TOX2: variants seen among roughly 807,000 people sequenced by gnomAD.
TOX2 encodes granulosa cell HMG box 1.
Under a neutral mutation model 47.4 loss-of-function variants are expected in TOX2, and 15 were observed. The ratio of observed to expected loss-of-function variants is 0.32; its 90% CI spans 0.21 to 0.49. TOX2 has a LOEUF of 0.49. Ranked by LOEUF, TOX2 falls within the 20% of genes least tolerant of loss-of-function variation. The probability of loss-of-function intolerance (pLI) is 0.99; values close to 1 mark genes in which losing one functional copy is unlikely to be tolerated. For synonymous variants in TOX2, 290 were observed against 296.6 expected (o/e 0.98, Z 0.23); for missense variants, 622 against 673.1 (o/e 0.92, Z 0.84).
chr20:44,004,519 G>A (rs2070643498), intron 2 of TOX2, among the ~76,000 whole-genome samples: 1 of 152,184 alleles, frequency 6.6e-6, no homozygotes, highest in Non-Finnish European at 1.5e-5. Flanking sequence ...GAGGAAATGA[G>A]CAAGGGGCCA....
intron 1 of TOX2, among the ~76,000 whole-genome samples, chr20:43,931,548 C>T (rs1047198145): frequency 2.6e-4 from 39 of 152,248 alleles, no homozygotes; most frequent in Non-Finnish European, 4.1e-4. Flanking sequence ...ACACTGTGGG[C>T]TCCCTGGGGC....
chr20:43,928,984 A>AAG (rs2069214695), intron 1 of TOX2, among the ~76,000 whole-genome samples: 2 of 149,514 alleles, frequency 1.3e-5, no homozygotes, highest in Non-Finnish European at 3.0e-5. Flanking sequence ...AAAATATGAA[A>AAG]AAAAAAAAAA....
chr20:44,033,578 G>A (rs1445765809), intron 3 of TOX2, among the ~76,000 whole-genome samples: 1 of 152,054 alleles, frequency 6.6e-6, no homozygotes, highest in African/African-American at 2.4e-5. Context: ...GGAGATGGGA[G>A]GGCCCAACAG....
chr20:43,928,981 G>GAAAAAAAAAAAAAAAAAAA (rs575418660), intron 1 of TOX2, among the ~76,000 whole-genome samples: 6 of 86,142 alleles, frequency 7.0e-5, no homozygotes, highest in African/African-American at 2.5e-4. Flanking sequence ...CTAAAAATAT[G>GAAAAAAAAAAAAAAAAAAA]AAAAAAAAAA....
At chr20:44,014,825 T>C (rs1048790610) in intron 3 of TOX2, among the ~76,000 whole-genome samples, 1 of 152,080 alleles carries the variant, frequency 6.6e-6, no homozygotes, top group Non-Finnish European at 1.5e-5. Flanking sequence ...CTTACCAACT[T>C]TGTCGGGGGC....
intron 3 of TOX2, among the ~76,000 whole-genome samples, chr20:44,042,109 G>A (rs1184233999): frequency 1.3e-5 from 2 of 152,218 alleles, no homozygotes; most frequent in Non-Finnish European, 2.9e-5. Context: ...CAGGGCTGGG[G>A]AGGCCTCATA....
Position 43,976,776 on chromosome 20 carries a change from G to GCA in TOX2, c.165+3345_165+3346insAC, listed in dbSNP as rs2070084596. On this transcript the variant is annotated intron_variant, in intron 2 of 8. Transcript: ENST00000341197. ...TGCTTCTTGAACTCACAACGCGAGC[G>GCA]CGCGCGCACACACACACACACACAC... is the stretch of plus-strand genomic sequence containing the variant. 5.3e-5 allele frequency among the ~76,000 whole-genome samples: 7 copies of GCA among 131,614 alleles called. No individual in the cohort carries two copies. In the South Asian group the frequency reaches 1.0e-3, roughly 19 times the overall value. The allele number at this position is 131,614 out of a possible 152,430, so 86.3% of individuals were successfully genotyped here.
At chr20:43,976,725 A>G (rs1324434173) in intron 2 of TOX2, among the ~76,000 whole-genome samples, 1 of 152,164 alleles carries the variant, frequency 6.6e-6, no homozygotes, top group Non-Finnish European at 1.5e-5. Flanking sequence ...AAAGTTCTAT[A>G]TATTTCCTTC....
chr20:44,067,053 T>C, intron 8 of TOX2, among the ~76,000 whole-genome samples, 196 bp downstream of exon 8: 1 of 152,210 alleles, frequency 6.6e-6, no homozygotes, highest in East Asian at 1.9e-4. Context: ...GGCCTGATGC[T>C]GAGGCCTGCT....
At chr20:43,929,462 C>T (rs2069223660) in intron 1 of TOX2, among the ~76,000 whole-genome samples, 1 of 152,068 alleles carries the variant, frequency 6.6e-6, no homozygotes, top group Non-Finnish European at 1.5e-5. Flanking sequence ...GACTCCATTC[C>T]AGTCACCTGG....
At chr20:43,972,792 A>G (rs1477314187) in intron 1 of TOX2, among the ~76,000 whole-genome samples, 1 of 152,244 alleles carries the variant, frequency 6.6e-6, no homozygotes. Flanking sequence ...CTCTGCACAC[A>G]GGATATAGTT....
intron 5 of TOX2, among the ~76,000 whole-genome samples, chr20:44,058,218 C>A (rs2071656311): frequency 1.3e-5 from 2 of 151,640 alleles, no homozygotes; most frequent in Non-Finnish European, 2.9e-5. Flanking sequence ...TAGCCTGGGG[C>A]AAGTTCTCAG....
intron 1 of TOX2, among the ~76,000 whole-genome samples, chr20:43,926,331 A>AATCCAGATGTTGG (rs1245915864): frequency 6.6e-6 from 1 of 152,164 alleles, no homozygotes; most frequent in Admixed American, 6.5e-5. Flanking sequence ...TTTTTATGCA[A>AATCCAGATGTTGG]ATCCAGATGT....
intron 3 of TOX2, among the ~76,000 whole-genome samples, chr20:44,046,907 A>G (rs1434902254): frequency 6.6e-6 from 1 of 152,210 alleles, no homozygotes; most frequent in East Asian, 1.9e-4. Flanking sequence ...CCTGAACCTA[A>G]AAGTTTTTAA....
intron 5 of TOX2, among the ~76,000 whole-genome samples, chr20:44,060,307 G>A (rs532116466): frequency 6.1e-4 from 93 of 152,036 alleles, no homozygotes; most frequent in Non-Finnish European, 1.0e-3. Flanking sequence ...CAACAATAGC[G>A]GGAAACTTCA....
chr20:43,938,902 C>T (rs917148151), intron 1 of TOX2, among the ~76,000 whole-genome samples: 1 of 152,144 alleles, frequency 6.6e-6, no homozygotes, highest in African/African-American at 2.4e-5. Context: ...GTTTTTCCAG[C>T]CCTTGTGTTT....
At chr20:44,011,934 G>A (rs2070783290) in intron 3 of TOX2, among the ~76,000 whole-genome samples, 1 of 152,188 alleles carries the variant, frequency 6.6e-6, no homozygotes, top group African/African-American at 2.4e-5. Context: ...TATTGGAATC[G>A]AACCCCTTTT....
Position 44,069,053 on chromosome 20 carries a change from C to A in TOX2, c.*367C>A. The A allele has an allele frequency of 4.9e-6, 2 of 410,506 alleles. No homozygotes were observed. The highest frequency in any genetic ancestry group is 4.0e-5 in the South Asian group (2 of 50,508). 25.4% of individuals were successfully genotyped at this position (410,506 alleles called of 1,614,324 possible). A position where few individuals can be genotyped will look rare whatever the true frequency, so the allele number is the denominator to read the frequency against. The stretch of plus-strand genomic sequence containing the variant: ...GGGGTCGCTTACCAACGGACACCCA[C>A]CCCAGATGCATGGGCCAGAGGGCCG... On this transcript the variant is annotated 3_prime_UTR_variant, in exon 9 of 9. Coordinates refer to ENST00000341197, the MANE Select transcript of TOX2 (RefSeq NM_001098797.2).
chr20:44,018,516 G>A (rs981479264), intron 3 of TOX2, among the ~76,000 whole-genome samples: 2 of 152,276 alleles, frequency 1.3e-5, no homozygotes, highest in South Asian at 2.1e-4. Flanking sequence ...TTAATGTACC[G>A]TCGGCATTGC....
Sources: allele counts gnomAD v4.1 joint callset (sites outside exome capture counted in the v4.1 genomes callset), GRCh38; gene constraint gnomAD v4.1.1; transcripts MANE v1.5; gene names NCBI Gene and HGNC (gene_info 2026-07-23, HGNC 2026-07-21).